The following FRMD1 variants were observed in gnomAD, a reference collection of about 807,000 sequenced individuals.
FRMD1 encodes the protein FERM domain containing 1.
In FRMD1, 51 loss-of-function variants were observed where a neutral mutation model predicts 54.9. That is an observed-to-expected ratio of 0.93 (90% CI 0.74 to 1.17). The LOEUF is 1.17. Ranked by LOEUF, FRMD1 falls within the 50% of genes most tolerant of loss-of-function variation. The pLI, the probability that FRMD1 is intolerant of heterozygous loss-of-function variation, is 0.00. For missense variants in FRMD1, 729 were observed against 743.0 expected (o/e 0.98, Z 0.22); for synonymous variants, 324 against 306.4 (o/e 1.06, Z -0.60).
intron 1 of FRMD1, among the ~76,000 whole-genome samples, chr6:168,092,041 C>T (rs1250665873): frequency 2.0e-5 from 3 of 152,232 alleles, no homozygotes; most frequent in Non-Finnish European, 4.4e-5. Context: ...CGCTGCACTT[C>T]CTGGCCCTCT....
Position 168,067,443 on chromosome 6 carries a change from T to A in FRMD1, c.308A>T (p.Asn103Ile). Residue 103 changes from asparagine (N) to isoleucine (I), a missense_variant, in exon 3 of 11, where the codon AAT (asparagine) becomes ATT (isoleucine). Coordinates refer to ENST00000283309, the MANE Select transcript of FRMD1 (RefSeq NM_024919.6). ...CTCCAAATCCATAAATATATACTCA[T>A]TGTCTGAAAGCAAAACAAAAGGCTT... ...QFFGLCVVRN[N>I]EYIFMDLEQK... 6.3e-7 allele frequency: 1 copy of A among 1,598,320 alleles called. No homozygotes were observed. The highest frequency in any genetic ancestry group is 8.6e-7 in the Non-Finnish European group (1 of 1,169,130).
upstream of FRMD1, among the ~76,000 whole-genome samples, chr6:168,080,291 C>T (rs1006200424): frequency 1.3e-5 from 2 of 152,138 alleles, no homozygotes; most frequent in South Asian, 4.1e-4. Flanking sequence ...CCTCCCTCCG[C>T]TCAGATCCAG....
At chr6:168,078,206 A>C (rs886878164) in intron 1 of FRMD1, among the ~76,000 whole-genome samples, 1 of 152,134 alleles carries the variant, frequency 6.6e-6, no homozygotes, top group Non-Finnish European at 1.5e-5. Context: ...ACTCAACTAA[A>C]ACAGGTAGAC....
rs1460297119 is a variant in FRMD1, at chr6:168,059,237, A to T, written c.1343-49T>A. The T allele has an allele frequency of 6.7e-7, 1 of 1,497,262 alleles. No individual in the cohort carries two copies. The allele number at this position is 1,497,262 out of a possible 1,614,324, so 92.7% of individuals were successfully genotyped here. A position where few individuals can be genotyped will look rare whatever the true frequency, so the allele number is the denominator to read the frequency against. On this transcript the variant is annotated intron_variant, in intron 9 of 10. Transcript: ENST00000283309. The surrounding 1 kb of genome is among the most constrained non-coding windows in gnomAD (Gnocchi z 4.4). ...CACAGGTGTCTGGGTTCTGCCCGAC[A>T]TGGCTCCTCCCCAGGGCAGTTCCCT...
At chr6:168,084,833 C>T (rs540900205), upstream of FRMD1, among the ~76,000 whole-genome samples, 17 of 152,380 alleles carry the variant, frequency 1.1e-4, no homozygotes, top group South Asian at 3.5e-3. Flanking sequence ...CCTCCCACCT[C>T]ATTCCTCCCC....
At chr6:168,065,282 C>T in intron 4 of FRMD1, 1 of 1,318,218 alleles carries the variant, frequency 7.6e-7, no homozygotes, top group Non-Finnish European at 9.7e-7. Flanking sequence ...CACCAAGGAG[C>T]CACTAGATGA....
At chr6:168,068,971 G>C (rs1800171153) in intron 2 of FRMD1, among the ~76,000 whole-genome samples, 1 of 152,230 alleles carries the variant, frequency 6.6e-6, no homozygotes, top group South Asian at 2.1e-4. Context: ...GACCCAGGGG[G>C]AGGCTCCAAG....
In FRMD1 at chr6:168,075,338, G is replaced by C. The variant is rs764790747; in HGVS notation, c.214-3C>G. 5 of 1,611,594 alleles carry C rather than the reference G, an allele frequency of 3.1e-6. No homozygotes were observed. In the Admixed American group the frequency reaches 5.0e-5, roughly 16 times the overall value. ...AGCTCGCGGCCAGTAGCCTTCACCT[G>C]CAAAAGAGGTGGGGAGGGGTTCAGG... is the stretch of plus-strand genomic sequence containing the variant. On this transcript the variant is annotated splice_region_variant and splice_polypyrimidine_tract_variant and intron_variant, in intron 1 of 10. Transcript: ENST00000283309.
At chr6:168,084,932 C>T (rs1800893324), upstream of FRMD1, among the ~76,000 whole-genome samples, 1 of 152,108 alleles carries the variant, frequency 6.6e-6, no homozygotes, top group African/African-American at 2.4e-5. Flanking sequence ...GGTTGAGGGG[C>T]TGCAGCAGCG....
upstream of FRMD1, among the ~76,000 whole-genome samples, chr6:168,082,318 C>T (rs532538470): frequency 2.6e-5 from 4 of 152,348 alleles, no homozygotes; most frequent in East Asian, 7.7e-4. Context: ...CAGTGAGTGG[C>T]CAGCCGGGGT....
In FRMD1 at chr6:168,065,219, A is replaced by G. The variant is rs1799969080; in HGVS notation, c.462-162T>C. ...CCCACAGCTGTGTCCCTGCAGGGCC[A>G]GCACGGCACAGGCCCACACTCTTCC... On this transcript the variant is annotated intron_variant, in intron 4 of 10. Coordinates refer to ENST00000283309, the MANE Select transcript of FRMD1 (RefSeq NM_024919.6). 6 of 1,415,632 alleles carry G rather than the reference A, an allele frequency of 4.2e-6. No homozygotes were observed. The Admixed American group carries it at 1.5e-4, about 35-fold the overall frequency. 87.7% of individuals were successfully genotyped at this position (1,415,632 alleles called of 1,614,324 possible). A position where few individuals can be genotyped will look rare whatever the true frequency, so the allele number is the denominator to read the frequency against.
Position 168,059,218 on chromosome 6 carries a change from T to A in FRMD1, c.1343-30A>T. The A allele has an allele frequency of 6.4e-7, 1 of 1,556,664 alleles. No homozygotes were observed. The highest frequency in any genetic ancestry group is 8.7e-7 in the Non-Finnish European group (1 of 1,152,628). On this transcript the variant is annotated intron_variant, in intron 9 of 10. Transcript: ENST00000283309. This position sits in a 1 kb window ranked among gnomAD's most constrained non-coding sequence, Gnocchi z 4.4. ...GGGAGGAGGCAGCCGTGAGCACAGG[T>A]GTCTGGGTTCTGCCCGACATGGCTC... is the stretch of plus-strand genomic sequence containing the variant.
intron 2 of FRMD1, among the ~76,000 whole-genome samples, chr6:168,069,093 A>G (rs907715600): frequency 6.6e-6 from 1 of 152,220 alleles, no homozygotes; most frequent in Non-Finnish European, 1.5e-5. Context: ...TCTGTGTTAA[A>G]GACTCTGAAC....
intron 2 of FRMD1, among the ~76,000 whole-genome samples, chr6:168,072,978 C>T (rs1282918597): frequency 1.3e-5 from 2 of 152,136 alleles, no homozygotes; most frequent in Non-Finnish European, 2.9e-5. Flanking sequence ...GGCTCAGGTT[C>T]CCATGGGGGC....
intron 7 of FRMD1, chr6:168,062,546 C>A (rs1166001021): frequency 4.0e-6 from 4 of 999,710 alleles, no homozygotes; most frequent in East Asian, 2.6e-5. Flanking sequence ...GGCCCTGATG[C>A]CCCCGAGAGG....
chr6:168,062,353 C>T (rs560101025), intron 7 of FRMD1, among the ~76,000 whole-genome samples: 4 of 152,202 alleles, frequency 2.6e-5, no homozygotes, highest in African/African-American at 9.6e-5. Context: ...GCTCTGGGGC[C>T]GGGATGAGAG....
At chr6:168,090,917 T>C (rs1394558307) in intron 1 of FRMD1, among the ~76,000 whole-genome samples, 3 of 152,130 alleles carry the variant, frequency 2.0e-5, no homozygotes, top group Non-Finnish European at 4.4e-5. Context: ...GTCTCCTGGT[T>C]TCCATTCGAG....
At position 168,064,409 on chromosome 6, in the gene FRMD1, C is replaced by T. The variant is rs536188036; in HGVS notation, c.648+462G>A. On this transcript the variant is annotated intron_variant, in intron 5 of 10. Coordinates refer to ENST00000283309, the MANE Select transcript of FRMD1 (RefSeq NM_024919.6). ...ACTGGGCACACAGTGGTACAGCCCA[C>T]GCCTCTCCATGGCCCTCCTCCCAGG... Among the ~76,000 whole-genome samples the T allele has an allele frequency of 3.0e-4, 45 of 152,338 alleles. No homozygotes were observed. The South Asian group carries it at 4.3e-3, about 15-fold the overall frequency.
intron 2 of FRMD1, among the ~76,000 whole-genome samples, chr6:168,074,144 C>A (rs1800443399): frequency 6.6e-6 from 1 of 152,084 alleles, no homozygotes. Flanking sequence ...AAAAAGTGCA[C>A]ATGAAGCACT....
Sources: gnomAD v4.1 joint callset for allele counts (sites outside exome capture counted in the v4.1 genomes callset) on GRCh38, gnomAD v4.1.1 for gene constraint, Gnocchi (gnomAD v3.1) non-coding constraint, MANE v1.5 for transcripts, NCBI Gene and HGNC (gene_info 2026-07-23, HGNC 2026-07-21) for gene names.